Variants in ZNF180 observed in about 807,000 individuals in gnomAD.
The protein encoded by ZNF180 is zinc finger protein 180 (HHZ168).
ZNF180 carries 11 observed loss-of-function variants against 11.8 expected under a neutral mutation model. The ratio of observed to expected loss-of-function variants is 0.93; its 90% CI spans 0.59 to 1.55. The LOEUF is 1.55. ZNF180 is among the 40% of genes most tolerant of loss of function. ZNF180 has a pLI of 0.00. For synonymous variants in ZNF180, 287 were observed against 257.7 expected (o/e 1.11, Z -1.09); for missense variants, 773 against 781.7 (o/e 0.99, Z 0.13).
Position 44,484,356 on chromosome 19 carries a change from C to G in ZNF180, c.126+5G>C, listed in dbSNP as rs778448353. The G allele has an allele frequency of 6.2e-7, 1 of 1,610,682 alleles. No homozygotes were observed. The highest frequency in any genetic ancestry group is 8.5e-7 in the Non-Finnish European group (1 of 1,176,876). On this transcript the variant is annotated splice_donor_5th_base_variant and intron_variant, in intron 3 of 4. Transcript: ENST00000592529. ...GTGTAAAGACAGAGGCCTTGCCCAA[C>G]CTACCTGAGATGGGATGGTCAGAGA...
intron 1 of ZNF180, among the ~76,000 whole-genome samples, chr19:44,499,310 C>T (rs1970672204): frequency 1.3e-5 from 2 of 152,182 alleles, no homozygotes; most frequent in Admixed American, 1.3e-4. Flanking sequence ...GCAGCACAGG[C>T]TCTGTCCCTC....
At chr19:44,487,020 G>T (rs2686765) in intron 2 of ZNF180, among the ~76,000 whole-genome samples, 78,239 of 151,608 alleles carry the variant, frequency 0.52, 20,891 homozygotes, top group South Asian at 0.69. Flanking sequence ...TCCAGCCTGG[G>T]CAAGAGAGTG....
In ZNF180 at chr19:44,483,521, C is replaced by T. The variant is rs188093107; in HGVS notation, c.126+840G>A. On this transcript the variant is annotated intron_variant, in intron 3 of 4. Transcript: ENST00000592529. ...GAAACTTTCAGATTGACCAGCAATCCTATTACATTTACTGGAGCAGCCTGT... is the reference window on the plus strand; with the variant it reads ...GAAACTTTCAGATTGACCAGCAATCTTATTACATTTACTGGAGCAGCCTGT... 9.5e-4 allele frequency among the ~76,000 whole-genome samples: 144 copies of T among 152,338 alleles called. 2 individuals carry two copies. The highest frequency in any genetic ancestry group is 8.4e-3 in the Admixed American group (129 of 15,300).
chr19:44,491,260 T>G (rs1390060311), intron 2 of ZNF180, among the ~76,000 whole-genome samples: 1 of 152,260 alleles, frequency 6.6e-6, no homozygotes, highest in East Asian at 1.9e-4. Context: ...GTTGGGTGCC[T>G]TTTCTTTGCA....
chr19:44,480,444 A>C (rs1970048859), intron 3 of ZNF180, among the ~76,000 whole-genome samples: 1 of 152,178 alleles, frequency 6.6e-6, no homozygotes, highest in African/African-American at 2.4e-5. Flanking sequence ...ATTTCTATTT[A>C]TTAGGCCTAA....
chr19:44,486,861 C>T (rs763724443), intron 2 of ZNF180, among the ~76,000 whole-genome samples: 4 of 151,938 alleles, frequency 2.6e-5, no homozygotes, highest in East Asian at 1.9e-4. Flanking sequence ...GTCAACATGG[C>T]GAAACCCCAT....
chr19:44,499,760 C>T (rs1162655924), intron 1 of ZNF180, among the ~76,000 whole-genome samples: 1 of 152,192 alleles, frequency 6.6e-6, no homozygotes, highest in African/African-American at 2.4e-5. Context: ...CCACAGCGCC[C>T]CCAGACCTTG....
intron 2 of ZNF180, among the ~76,000 whole-genome samples, chr19:44,496,175 T>TC (rs1472517132): frequency 6.6e-6 from 1 of 151,788 alleles, no homozygotes; most frequent in African/African-American, 2.4e-5. Context: ...GACACCACTA[T>TC]CCTGGCTAAT....
rs1319986741 is a variant in ZNF180, at chr19:44,475,605, C to T, written c.*797G>A. 2 of 152,110 alleles carry T rather than the reference C, an allele frequency of 1.3e-5. No individual in the cohort carries two copies. The highest frequency in any genetic ancestry group is 2.9e-5 in the Non-Finnish European group (2 of 68,016). 9.4% of individuals were successfully genotyped at this position (152,110 alleles called of 1,614,324 possible). The stretch of plus-strand genomic sequence containing the variant: ...TTGCTATTTGGTTGCTTAGTCTTTC[C>T]TAAATAGTCAAAGAAGGAAATCTTT... On this transcript the variant is annotated 3_prime_UTR_variant, in exon 5 of 5. Transcript: ENST00000592529.
rs1292811482 is a variant in ZNF180, at chr19:44,477,021, T to C, written c.1379A>G (p.His460Arg). ...SYKLIAHQRI[H>R]TGEKPYECNQ... Reference sequence around the variant, plus strand: ...GCATTCATAGGGTTTTTCCCCAGTATGAATTCTTTGATGTGCAATAAGTTT... The same window carrying C: ...GCATTCATAGGGTTTTTCCCCAGTACGAATTCTTTGATGTGCAATAAGTTT... Residue 460 changes from histidine (H) to arginine (R), a missense_variant, in exon 5 of 5, where the codon CAT becomes CGT. Physicochemically the swap from His to Arg is conservative, Grantham distance 29. Transcript: ENST00000592529. 3.1e-6 allele frequency: 5 copies of C among 1,614,048 alleles called. No homozygotes were observed. The highest frequency in any genetic ancestry group is 1.1e-5 in the South Asian group (1 of 91,080).
chr19:44,490,027 C>A (rs1373388809), intron 2 of ZNF180, among the ~76,000 whole-genome samples: 4 of 24,752 alleles, frequency 1.6e-4, no homozygotes, highest in African/African-American at 3.9e-4. Context: ...AAGAAAAAGA[C>A]AGGAAAGAAA....
Position 44,476,445 on chromosome 19 carries a change from T to G in ZNF180, c.1955A>C (p.His652Pro), listed in dbSNP as rs375049667. ...TTTCTCTTCAGTATGAGTTGCCTGATGCCTAATAAGTTTATAGCTATTAAT... is the reference window on the plus strand; with the variant it reads ...TTTCTCTTCAGTATGAGTTGCCTGAGGCCTAATAAGTTTATAGCTATTAAT... ...AFINSYKLIR[H>P]QATHTEEKLY... The change falls in exon 5 of 5, where the codon CAT becomes CCT. Residue 652 changes from histidine to proline, a missense_variant. Physicochemically the swap from His to Pro is moderately conservative, Grantham distance 77. Coordinates refer to ENST00000592529, the MANE Select transcript of ZNF180 (RefSeq NM_001278509.3). The G allele has an allele frequency of 6.2e-7, 1 of 1,609,656 alleles. No homozygotes were observed.
chr19:44,491,653 C>G (rs766078917), intron 2 of ZNF180, among the ~76,000 whole-genome samples: 1 of 152,200 alleles, frequency 6.6e-6, no homozygotes, highest in Non-Finnish European at 1.5e-5. Flanking sequence ...CTACTATAGT[C>G]TTGAACTCCT....
chr19:44,490,463 T>C (rs1970423997), intron 2 of ZNF180, among the ~76,000 whole-genome samples: 1 of 152,226 alleles, frequency 6.6e-6, no homozygotes, highest in South Asian at 2.1e-4. Context: ...AAACTGTTAA[T>C]GGATTCAATC....
At chr19:44,498,728 C>A (rs1970655572) in intron 1 of ZNF180, among the ~76,000 whole-genome samples, 1 of 152,194 alleles carries the variant, frequency 6.6e-6, no homozygotes, top group Non-Finnish European at 1.5e-5. Context: ...CCTGGGCATC[C>A]TCAGGCAGAA....
Position 44,476,105 on chromosome 19 carries a change from C to G in ZNF180, c.*297G>C. ...AGTTGGCTTTGGCATATGATTTTCTCTGATTCAGGTCTGAGTGCTTTCTGC... is the reference window on the plus strand; with the variant it reads ...AGTTGGCTTTGGCATATGATTTTCTGTGATTCAGGTCTGAGTGCTTTCTGC... On this transcript the variant is annotated 3_prime_UTR_variant, in exon 5 of 5. Transcript: ENST00000592529. 4.0e-6 allele frequency: 1 copy of G among 248,658 alleles called. No individual in the cohort carries two copies. The highest frequency in any genetic ancestry group is 5.0e-5 in the Admixed American group (1 of 20,040). The allele number at this position is 248,658 out of a possible 1,614,324, so 15.4% of individuals were successfully genotyped here.
chr19:44,499,935 C>T (rs967661912), intron 1 of ZNF180, among the ~76,000 whole-genome samples: 2 of 152,210 alleles, frequency 1.3e-5, no homozygotes, highest in African/African-American at 4.8e-5. Flanking sequence ...TCAACCCGGA[C>T]ATCCTCAGGC....
Position 44,477,299 on chromosome 19 carries a change from C to T in ZNF180, c.1101G>A (p.Ser367=), listed in dbSNP as rs16979130. 0.014 allele frequency: 23,183 copies of T among 1,611,976 alleles called. 1,081 individuals carry two copies. The highest frequency in any genetic ancestry group is 0.12 in the African/African-American group (9,260 of 74,792). ...SECGKSFSRS[S]HLVSHQRTHT... ...GAGTTCTCTGATGGGAAACAAGGTG[C>T]GAGCTCCGGCTGAAGGATTTTCCAC... The change falls in exon 5 of 5, where the codon TCG becomes TCA. Residue 367 remains serine (S), a synonymous_variant. Transcript: ENST00000592529.
chr19:44,498,228 T>C (rs1970640886), intron 1 of ZNF180, among the ~76,000 whole-genome samples: 1 of 152,146 alleles, frequency 6.6e-6, no homozygotes, highest in Non-Finnish European at 1.5e-5. Context: ...AAAGCAGCCC[T>C]ACCCAGGCTC....
Sources: allele counts gnomAD v4.1 joint callset (sites outside exome capture counted in the v4.1 genomes callset), GRCh38; gene constraint gnomAD v4.1.1; transcripts MANE v1.5; gene names NCBI Gene and HGNC (gene_info 2026-07-23, HGNC 2026-07-21).